Variants in PTPRD observed in about 807,000 individuals in gnomAD.
PTPRD encodes protein tyrosine phosphatase receptor type D.
A neutral mutation model predicts 214.5 loss-of-function variants in PTPRD; 34 were observed. That is an observed-to-expected ratio of 0.16 (90% CI 0.12 to 0.21). PTPRD has a LOEUF of 0.21. Ranked by LOEUF, PTPRD falls within the 10% of genes least tolerant of loss-of-function variation. The pLI is 1.00. For missense variants in PTPRD, 2,545 were observed against 2,398.7 expected, an observed-to-expected ratio of 1.06 and a Z score of -1.27; for synonymous variants, 1,128 against 845.7, an observed-to-expected ratio of 1.33 and a Z score of -5.79.
At chr9:10,068,020 A>T (rs2097915663) in intron 3 of PTPRD, among the ~76,000 whole-genome samples, 1 of 151,902 alleles carries the variant, frequency 6.6e-6, no homozygotes, top group African/African-American at 2.4e-5. Flanking sequence ...TTTTCCTTCT[A>T]TATTTCTGAT....
At chr9:8,521,205 G>C (rs1362839736) in intron 20 of PTPRD, 72 bp downstream of exon 20, 1 of 1,492,430 alleles carries the variant, frequency 6.7e-7, no homozygotes. Context: ...TTTCAAGGAT[G>C]GGCTTTCTAG....
chr9:8,472,052 G>A (rs2096663105), intron 30 of PTPRD, among the ~76,000 whole-genome samples: 1 of 152,088 alleles, frequency 6.6e-6, no homozygotes, highest in Non-Finnish European at 1.5e-5. Flanking sequence ...GCAAAGCCTA[G>A]GTATAGCCTA....
At chr9:9,505,696 C>T (rs1464678111) in intron 8 of PTPRD, among the ~76,000 whole-genome samples, 1 of 151,304 alleles carries the variant, frequency 6.6e-6, no homozygotes, top group Non-Finnish European at 1.5e-5. Flanking sequence ...ATAATTATAC[C>T]AGGGAAAATA....
intron 12 of PTPRD, among the ~76,000 whole-genome samples, chr9:8,696,871 C>T (rs918792483): frequency 6.6e-6 from 1 of 152,130 alleles, no homozygotes; most frequent in African/African-American, 2.4e-5. Flanking sequence ...GTATTCCTGC[C>T]AGAATTGTCG....
At position 9,431,573 on chromosome 9, in the gene PTPRD, T is replaced by G. The variant is rs573895460; in HGVS notation, c.-236-34091A>C. ...TACTGGGCATATACCCAAAGGATTA[T>G]AAATCATGCTACTATAAAGACACAT... On this transcript the variant is annotated intron_variant, in intron 8 of 45. Coordinates refer to ENST00000381196, the MANE Select transcript of PTPRD (RefSeq NM_002839.4). Among the ~76,000 whole-genome samples, 5 of 152,274 alleles carry G rather than the reference T, an allele frequency of 3.3e-5. No homozygotes were observed. In the South Asian group the frequency reaches 1.0e-3, roughly 32 times the overall value.
At chr9:10,206,490 G>C (rs969342376) in intron 3 of PTPRD, among the ~76,000 whole-genome samples, 1 of 152,036 alleles carries the variant, frequency 6.6e-6, no homozygotes, top group Non-Finnish European at 1.5e-5. Context: ...AATTAGAATA[G>C]GAAGAAAAGA....
At chr9:9,788,728 C>A (rs2098945234) in intron 5 of PTPRD, among the ~76,000 whole-genome samples, 1 of 151,890 alleles carries the variant, frequency 6.6e-6, no homozygotes, top group Non-Finnish European at 1.5e-5. Context: ...CAGGTGAGCT[C>A]CAGGTGGTTA....
intron 3 of PTPRD, among the ~76,000 whole-genome samples, chr9:10,289,597 T>C (rs2095471091): frequency 1.3e-5 from 2 of 152,258 alleles, no homozygotes; most frequent in South Asian, 4.1e-4. Flanking sequence ...CAACTGGTCT[T>C]TAATTAGGAA....
At chr9:10,260,882 C>A (rs567029131) in intron 3 of PTPRD, among the ~76,000 whole-genome samples, 1 of 151,486 alleles carries the variant, frequency 6.6e-6, no homozygotes, top group African/African-American at 2.4e-5. Flanking sequence ...AAAATTTAAG[C>A]GTGATTTTCT....
chr9:9,936,668 G>A lies in PTPRD; in HGVS notation c.-368+1839C>T, dbSNP rs1305205263. ...CAACCATTGTGGAAGTCAGTGTGGC[G>A]ATTCCTCAGGGATCTAGAACTAGAA... On this transcript the variant is annotated intron_variant, in intron 5 of 45. Transcript: ENST00000381196. Among the ~76,000 whole-genome samples, 30 of 131,464 alleles carry A rather than the reference G, an allele frequency of 2.3e-4. 1 individual carries two copies. Among genetic ancestry groups the A allele is most frequent in the East Asian group, 2.6e-4 (1 of 3,824 alleles). 86.2% of individuals were successfully genotyped at this position (131,464 alleles called of 152,430 possible). A position where few individuals can be genotyped will look rare whatever the true frequency, so the allele number is the denominator to read the frequency against.
intron 9 of PTPRD, among the ~76,000 whole-genome samples, chr9:9,240,578 G>C (rs1486976181): frequency 6.6e-6 from 1 of 152,090 alleles, no homozygotes; most frequent in Non-Finnish European, 1.5e-5. Context: ...GACTGAGTTA[G>C]GAGAATTGCT....
chr9:9,459,970 C>T (rs1190771011), intron 8 of PTPRD, among the ~76,000 whole-genome samples: 1 of 152,064 alleles, frequency 6.6e-6, no homozygotes, highest in African/African-American at 2.4e-5. Context: ...GTAACCAAAA[C>T]ACCATGGAAC....
At chr9:9,926,474 G>A (rs1160517256) in intron 5 of PTPRD, among the ~76,000 whole-genome samples, 2 of 152,156 alleles carry the variant, frequency 1.3e-5, no homozygotes, top group South Asian at 2.1e-4. Flanking sequence ...ATCTTGGAAC[G>A]ATGTATTTTT....
intron 2 of PTPRD, among the ~76,000 whole-genome samples, chr9:10,341,703 C>T (rs2096942280): frequency 6.6e-6 from 1 of 151,884 alleles, no homozygotes; most frequent in Admixed American, 6.6e-5. Flanking sequence ...ATTTACAAAA[C>T]CTCTCTAAAC....
chr9:9,939,662 G>C (rs984193659), intron 4 of PTPRD, among the ~76,000 whole-genome samples: 4 of 152,270 alleles, frequency 2.6e-5, no homozygotes, highest in Middle Eastern at 3.4e-3. Flanking sequence ...AACACCCTCT[G>C]TGAATGAATC....
chr9:10,320,958 G>T (rs1247936891), intron 3 of PTPRD, among the ~76,000 whole-genome samples: 7 of 151,816 alleles, frequency 4.6e-5, no homozygotes. Flanking sequence ...GAACTCCTGG[G>T]CTCAAGCAAT....
chr9:10,261,027 T>C (rs1010403897), intron 3 of PTPRD, among the ~76,000 whole-genome samples: 1 of 114,582 alleles, frequency 8.7e-6, no homozygotes, highest in African/African-American at 3.0e-5. Flanking sequence ...TGTGTATATA[T>C]ATTATATATG....
At chr9:8,333,190 C>T (rs1305775660) in intron 43 of PTPRD, among the ~76,000 whole-genome samples, 1 of 152,108 alleles carries the variant, frequency 6.6e-6, no homozygotes, top group Non-Finnish European at 1.5e-5. Context: ...GGATGGTTAC[C>T]ATGGAAGCAT....
chr9:10,288,794 T>C (rs548824753), intron 3 of PTPRD, among the ~76,000 whole-genome samples: 5 of 143,076 alleles, frequency 3.5e-5, no homozygotes, highest in African/African-American at 8.3e-5. Flanking sequence ...CAGATTAGAA[T>C]TGGAAAATTA....
Sources: gnomAD v4.1 joint callset for allele counts (sites outside exome capture counted in the v4.1 genomes callset) on GRCh38, gnomAD v4.1.1 for gene constraint, MANE v1.5 for transcripts, NCBI Gene and HGNC (gene_info 2026-07-23, HGNC 2026-07-21) for gene names.